Variants in WASHC5 observed in about 807,000 individuals in gnomAD.
WASHC5 encodes WASH complex subunit strumpellin.
WASHC5 carries 101 observed loss-of-function variants against 150.4 expected under a neutral mutation model. The observed-to-expected ratio is 0.67, with a 90% confidence interval of 0.57 to 0.79. WASHC5 has a LOEUF of 0.79. Among genes scored for constraint, WASHC5 ranks in the 30% least tolerant of loss-of-function variants. The pLI, the probability that WASHC5 is intolerant of heterozygous loss-of-function variation, is 0.00. For missense variants in WASHC5, 1,195 were observed against 1,396.3 expected (o/e 0.86, Z 2.30); for synonymous variants, 467 against 491.2 (o/e 0.95, Z 0.65).
intron 20 of WASHC5, among the ~76,000 whole-genome samples, chr8:125,046,059 A>G (rs1816057423): frequency 6.6e-6 from 1 of 152,226 alleles, no homozygotes; most frequent in Non-Finnish European, 1.5e-5. Context: ...GTTTCGAAGG[A>G]CAAAATACTG....
intron 17 of WASHC5, among the ~76,000 whole-genome samples, chr8:125,051,694 C>A (rs968721622): frequency 6.6e-6 from 1 of 152,202 alleles, no homozygotes; most frequent in African/African-American, 2.4e-5. Flanking sequence ...TCCAGACCAA[C>A]CTGACCAACA....
Position 125,059,530 on chromosome 8 carries a change from G to A in WASHC5, c.1534C>T (p.His512Tyr), listed in dbSNP as rs779990908. The A allele has an allele frequency of 6.8e-6, 11 of 1,613,186 alleles. No homozygotes were observed. The highest frequency in any genetic ancestry group is 8.5e-6 in the Non-Finnish European group (10 of 1,179,594). Reference protein sequence around the residue: ...IQALEEVQEFHQLESNLQVCQ... With the variant: ...IQALEEVQEFYQLESNLQVCQ... ...ACTTGCAGATTGGATTCCAACTGGT[G>A]GAATTCTTGAACCTGTGTTACAGAA... The change falls in exon 13 of 29, where the codon CAC becomes TAC. Residue 512 changes from histidine (H) to tyrosine (Y), a missense_variant. By Grantham distance (83) the His-to-Tyr change is moderately conservative. This residue lies in a region of WASHC5 where 997 missense variants were observed against 1,168.1 expected (regional missense o/e 0.85). Transcript: ENST00000318410.
chr8:125,037,193 T>G, intron 26 of WASHC5, 44 bp downstream of exon 26: 1 of 1,057,274 alleles, frequency 9.5e-7, no homozygotes, highest in East Asian at 2.4e-5. Context: ...AATGTTAATC[T>G]GTTGGTATTG....
rs560859016 is a variant in WASHC5 at position 125,088,502 on chromosome 8, G to A, written c.-125+3113C>T. Among the ~76,000 whole-genome samples, 17 of 151,998 alleles carry A rather than the reference G, an allele frequency of 1.1e-4. No homozygotes were observed. The South Asian group carries it at 1.5e-3, about 13-fold the overall frequency. On this transcript the variant is annotated intron_variant, in intron 1 of 28. Transcript: ENST00000318410. The stretch of plus-strand genomic sequence containing the variant: ...CAGTGCACTTCTGAGATTAGATTTC[G>A]AAAAGACTAACTTCTGGCTTGGGCA...
chr8:125,084,996 G>C (rs1817377994), intron 1 of WASHC5, among the ~76,000 whole-genome samples: 1 of 152,180 alleles, frequency 6.6e-6, no homozygotes, highest in South Asian at 2.1e-4. Flanking sequence ...CAGGCAAACA[G>C]GAAATTAACA....
At chr8:125,069,357 A>C (rs186285870) in intron 9 of WASHC5, among the ~76,000 whole-genome samples, 50 of 152,384 alleles carry the variant, frequency 3.3e-4, no homozygotes, top group African/African-American at 1.2e-3. Context: ...CTGTTATAGC[A>C]GCAGAAAATG....
chr8:125,068,933 T>C (rs1816826113), intron 9 of WASHC5, among the ~76,000 whole-genome samples: 1 of 152,262 alleles, frequency 6.6e-6, no homozygotes, highest in African/African-American at 2.4e-5. Flanking sequence ...GATATTTGCT[T>C]AGATTGGTTT....
chr8:125,073,475 T>G lies in WASHC5; in HGVS notation c.979-151A>C, dbSNP rs565349343. 1.1e-4 allele frequency: 83 copies of G among 731,230 alleles called. 1 individual carries two copies. In the East Asian group the frequency reaches 2.2e-3, roughly 19 times the overall value. 45.3% of individuals were successfully genotyped at this position (731,230 alleles called of 1,614,324 possible). On this transcript the variant is annotated intron_variant, in intron 8 of 28. Coordinates refer to ENST00000318410, the MANE Select transcript of WASHC5 (RefSeq NM_014846.4). ...TTATAGGGCTCGAAGATAACATTTC[T>G]ATAAGATGAATGACATATGGACTAC...
Position 125,049,189 on chromosome 8 carries a change from T to C in WASHC5, c.2200-4A>G, listed in dbSNP as rs188924154. ...GCTTGGGCATCAATTCACTTGGCTG[T>C]GGAAAAGGGGAAACATAAAGCTCTT... On this transcript the variant is annotated splice_polypyrimidine_tract_variant and splice_region_variant and intron_variant, in intron 18 of 28. Coordinates refer to ENST00000318410, the MANE Select transcript of WASHC5 (RefSeq NM_014846.4). The C allele has an allele frequency of 1.2e-6, 2 of 1,614,042 alleles. No individual in the cohort carries two copies. Among genetic ancestry groups the C allele is most frequent in the African/African-American group, 1.3e-5 (1 of 75,020 alleles).
intron 9 of WASHC5, among the ~76,000 whole-genome samples, chr8:125,070,897 C>T (rs1816879054): frequency 6.6e-6 from 1 of 152,208 alleles, no homozygotes; most frequent in South Asian, 2.1e-4. Flanking sequence ...GGAAGTCCAA[C>T]TGCTGTTTTC....
intron 9 of WASHC5, among the ~76,000 whole-genome samples, chr8:125,072,260 G>T (rs115525598): frequency 6.8e-6 from 1 of 146,476 alleles, no homozygotes; most frequent in Admixed American, 7.1e-5. Flanking sequence ...AAGTTGTATC[G>T]CTTGAGCCCA....
Position 125,059,425 on chromosome 8 carries a change from T to G in WASHC5, c.1639A>C (p.Thr547Pro). 1 of 1,614,204 alleles carries G rather than the reference T, an allele frequency of 6.2e-7. No individual in the cohort carries two copies. Among genetic ancestry groups the G allele is most frequent in the Non-Finnish European group, 8.5e-7 (1 of 1,180,018 alleles). Residue 547 changes from threonine (T) to proline (P), a missense_variant, in exon 13 of 29, where the codon ACA becomes CCA. Around this residue, in one of 3 missense-constraint regions of WASHC5, gnomAD observed 997 missense variants for 1,168.1 expected, o/e 0.85. Transcript: ENST00000318410. ...GAAAGGTCCCCAACGATCTGCATTG[T>G]GATCAGAACCTCCTCTTTAATGTTA... ...TINIKEEVLI[T>P]MQIVGDLSFA...
At chr8:125,048,720 G>C (rs1405214419) in intron 19 of WASHC5, among the ~76,000 whole-genome samples, 3 of 152,240 alleles carry the variant, frequency 2.0e-5, no homozygotes, top group Admixed American at 2.0e-4. Flanking sequence ...CACAAACAAA[G>C]GAGTCCTAAA....
chr8:125,031,617 A>G (rs1815539280), intron 27 of WASHC5, among the ~76,000 whole-genome samples: 1 of 145,120 alleles, frequency 6.9e-6, no homozygotes. Flanking sequence ...AGCAAACATG[A>G]CAGCAAAGGT....
chr8:125,066,977 C>T (rs187479990), intron 10 of WASHC5, among the ~76,000 whole-genome samples: 4 of 152,314 alleles, frequency 2.6e-5, no homozygotes, highest in Admixed American at 2.6e-4. Context: ...TCCTTTCCTT[C>T]AGAGCAAATA....
intron 17 of WASHC5, 115 bp downstream of exon 17, chr8:125,055,476 G>A: frequency 1.3e-6 from 1 of 766,636 alleles, no homozygotes; most frequent in Non-Finnish European, 2.4e-6. Context: ...GACCGAAATT[G>A]GAATGTCAAA....
At chr8:125,061,313 C>T in intron 11 of WASHC5, 119 bp from the exon 12 acceptor site, 2 of 639,774 alleles carry the variant, frequency 3.1e-6, no homozygotes, top group Admixed American at 2.5e-5. Flanking sequence ...GTGGGCCTAA[C>T]ACTAGGAATT....
Position 125,024,589 on chromosome 8 carries a change from C to A in WASHC5, c.*28G>T. 6.6e-7 allele frequency: 1 copy of A among 1,519,182 alleles called. No individual in the cohort carries two copies. Among genetic ancestry groups the A allele is most frequent in the Non-Finnish European group, 9.1e-7 (1 of 1,093,622 alleles). The allele number at this position is 1,519,182 out of a possible 1,614,324, so 94.1% of individuals were successfully genotyped here. ...GATGGTGGGAAGATCTAAGGACAAT[C>A]CTTCCATTGAAGAAGTAGGAAAAAC... On this transcript the variant is annotated 3_prime_UTR_variant, in exon 29 of 29. Coordinates refer to ENST00000318410, the MANE Select transcript of WASHC5 (RefSeq NM_014846.4).
chr8:125,060,871 A>G (rs961339748), intron 12 of WASHC5, among the ~76,000 whole-genome samples: 1 of 152,184 alleles, frequency 6.6e-6, no homozygotes, highest in Non-Finnish European at 1.5e-5. Flanking sequence ...CTCAAGTTAC[A>G]ATATCGTAAT....
Sources: gnomAD v4.1 joint callset for allele counts (sites outside exome capture counted in the v4.1 genomes callset) on GRCh38, gnomAD v4.1.1 for gene constraint, gnomAD v4.1.1 regional missense constraint, MANE v1.5 for transcripts, NCBI Gene and HGNC (gene_info 2026-07-23, HGNC 2026-07-21) for gene names.